RCAN1: variants seen among roughly 807,000 people sequenced by gnomAD.
RCAN1 encodes regulator of calcineurin 1.
In RCAN1, 11 loss-of-function variants were observed where a neutral mutation model predicts 22.9. The ratio of observed to expected loss-of-function variants is 0.48; its 90% CI spans 0.30 to 0.79. RCAN1 has a LOEUF of 0.79. Ranked by LOEUF, RCAN1 falls within the 30% of genes least tolerant of loss-of-function variation. RCAN1 has a pLI of 0.06. For missense variants in RCAN1, 291 were observed against 337.8 expected, an observed-to-expected ratio of 0.86 and a Z score of 1.09; for synonymous variants, 136 against 142.3, an observed-to-expected ratio of 0.96 and a Z score of 0.32.
rs1984984868 is a variant in RCAN1 at position 34,525,502 on chromosome 21, T to A, written c.253-1792A>T. 50 of 935,522 alleles carry A rather than the reference T, an allele frequency of 5.3e-5. No individual in the cohort carries two copies. In the East Asian group the frequency reaches 1.4e-3, roughly 25 times the overall value. 58.0% of individuals were successfully genotyped at this position (935,522 alleles called of 1,614,324 possible). ...GTGTCTTCGTACATTTGGAATTTTG[T>A]ATGACCTCATCAATAGGCACTGTGA... On this transcript the variant is annotated intron_variant, in intron 1 of 3. Transcript: ENST00000313806.
intron 1 of RCAN1, among the ~76,000 whole-genome samples, chr21:34,605,242 C>G (rs1988485833): frequency 6.6e-6 from 1 of 152,224 alleles, no homozygotes; most frequent in Non-Finnish European, 1.5e-5. Flanking sequence ...GCCTCTCAGC[C>G]TCCATCTTTC....
chr21:34,568,338 C>G (rs771136109), intron 1 of RCAN1, among the ~76,000 whole-genome samples: 3 of 152,224 alleles, frequency 2.0e-5, no homozygotes, highest in Non-Finnish European at 2.9e-5. Flanking sequence ...AAATCCAACA[C>G]AGGACCTTGC....
chr21:34,561,894 C>T (rs1986804061), intron 1 of RCAN1, among the ~76,000 whole-genome samples: 1 of 152,186 alleles, frequency 6.6e-6, no homozygotes, highest in South Asian at 2.1e-4. Context: ...TTTCTATAGG[C>T]ACACAGGATT....
At chr21:34,580,013 C>T (rs910487923) in intron 1 of RCAN1, among the ~76,000 whole-genome samples, 1 of 152,222 alleles carries the variant, frequency 6.6e-6, no homozygotes, top group South Asian at 2.1e-4. Flanking sequence ...CTGATTCTCC[C>T]ACTAACACCC....
At chr21:34,599,105 G>A (rs1432671331) in intron 1 of RCAN1, among the ~76,000 whole-genome samples, 1 of 152,106 alleles carries the variant, frequency 6.6e-6, no homozygotes, top group Non-Finnish European at 1.5e-5. Flanking sequence ...CTATTAAAAC[G>A]TAAAGTAACC....
In RCAN1 at chr21:34,600,472, C is replaced by T. The variant is rs189022333; in HGVS notation, c.252+14288G>A. 5.1e-4 allele frequency among the ~76,000 whole-genome samples: 77 copies of T among 151,258 alleles called. 1 individual carries two copies. In the Middle Eastern group the frequency reaches 0.014, roughly 27 times the overall value. On this transcript the variant is annotated intron_variant, in intron 1 of 3. Coordinates refer to ENST00000313806, the MANE Select transcript of RCAN1 (RefSeq NM_004414.7). ...TTTCCTCTAAAAGGCATTCTAGGAA[C>T]CAGAGAGAGAAGGGAGAAAGGAGGG...
chr21:34,572,615 G>A (rs554905345), intron 1 of RCAN1, among the ~76,000 whole-genome samples: 1 of 152,224 alleles, frequency 6.6e-6, no homozygotes, highest in African/African-American at 2.4e-5. Context: ...CATCTCTAAG[G>A]TTTCTTCCAG....
chr21:34,574,056 A>AT (rs1397079511), intron 1 of RCAN1, among the ~76,000 whole-genome samples: 1 of 152,214 alleles, frequency 6.6e-6, no homozygotes, highest in Non-Finnish European at 1.5e-5. Flanking sequence ...AAGAAGATGA[A>AT]TTTTCCAATG....
At chr21:34,535,215 T>C (rs1279031948) in intron 1 of RCAN1, among the ~76,000 whole-genome samples, 1 of 152,220 alleles carries the variant, frequency 6.6e-6, no homozygotes, top group Non-Finnish European at 1.5e-5. Flanking sequence ...GGCTTTTTCA[T>C]GATAAGCAAG....
chr21:34,567,689 C>T (rs992004085), intron 1 of RCAN1, among the ~76,000 whole-genome samples: 6 of 152,048 alleles, frequency 3.9e-5, no homozygotes, highest in Non-Finnish European at 8.8e-5. Flanking sequence ...AAATTCAGAA[C>T]TTCGGTCTAG....
At chr21:34,526,821 C>G in intron 1 of RCAN1, 1 of 1,541,830 alleles carries the variant, frequency 6.5e-7, no homozygotes, top group Non-Finnish European at 8.7e-7. Flanking sequence ...TTCCAAGAGG[C>G]TGTAGGTTCC....
Position 34,614,546 on chromosome 21 carries a change from A to G in RCAN1, c.252+214T>C, listed in dbSNP as rs896297966. 4.9e-5 allele frequency: 50 copies of G among 1,015,778 alleles called. No individual in the cohort carries two copies. Among genetic ancestry groups the G allele is most frequent in the Admixed American group, 1.1e-4 (2 of 18,810 alleles). The allele number at this position is 1,015,778 out of a possible 1,614,324, so 62.9% of individuals were successfully genotyped here. On this transcript the variant is annotated intron_variant, in intron 1 of 3. Transcript: ENST00000313806. The surrounding 1 kb of genome is among the most constrained non-coding windows in gnomAD (Gnocchi z 6.0). Reference sequence around the variant, plus strand: ...GGCGAGCCTGTGGGACTCTGCAGTGAGCTCCGCGCGCCCCGGGGGTGCTAG... The same window carrying G: ...GGCGAGCCTGTGGGACTCTGCAGTGGGCTCCGCGCGCCCCGGGGGTGCTAG...
At chr21:34,526,556 C>G in intron 1 of RCAN1, 1 of 1,168,264 alleles carries the variant, frequency 8.6e-7, no homozygotes, top group Non-Finnish European at 1.2e-6. Flanking sequence ...CTTTCAAAAC[C>G]CCCAAACCCA....
In RCAN1 at chr21:34,518,009, C is replaced by G. The variant is rs374486619; in HGVS notation, c.*75G>C. On this transcript the variant is annotated 3_prime_UTR_variant, in exon 4 of 4. Coordinates refer to ENST00000313806, the MANE Select transcript of RCAN1 (RefSeq NM_004414.7). The surrounding 1 kb of genome is among the most constrained non-coding windows in gnomAD (Gnocchi z 4.2). ...TCTCGGCTGCCACCTCCGAAGAAGT[C>G]GTGACCAGCCACCTCCACAGTAAAA... 8.3e-6 allele frequency: 13 copies of G among 1,564,562 alleles called. No homozygotes were observed. The East Asian group carries it at 1.3e-4, about 16-fold the overall frequency.
At chr21:34,594,259 C>T (rs2268267) in intron 1 of RCAN1, among the ~76,000 whole-genome samples, 46,660 of 151,964 alleles carry the variant, frequency 0.31, 7,696 homozygotes, top group East Asian at 0.44. Context: ...GAATGTTTCA[C>T]AAAAGAAGGG....
intron 1 of RCAN1, among the ~76,000 whole-genome samples, chr21:34,530,545 G>C (rs1208587224): frequency 6.6e-6 from 1 of 151,256 alleles, no homozygotes; most frequent in Non-Finnish European, 1.5e-5. Context: ...AACTTGCAAA[G>C]GCTCTCTTGT....
chr21:34,592,371 C>T (rs1246076240), intron 1 of RCAN1, among the ~76,000 whole-genome samples: 1 of 152,198 alleles, frequency 6.6e-6, no homozygotes, highest in Non-Finnish European at 1.5e-5. Flanking sequence ...TTGGCACTGT[C>T]TTCTGACTGA....
At chr21:34,536,934 T>C (rs1601150067) in intron 1 of RCAN1, among the ~76,000 whole-genome samples, 1 of 152,360 alleles carries the variant, frequency 6.6e-6, no homozygotes, top group East Asian at 1.9e-4. Context: ...TATGTGCTCT[T>C]ACCTGCTATT....
At position 34,614,522 on chromosome 21, in the gene RCAN1, G is replaced by A; in HGVS notation, c.252+238C>T. Reference sequence around the variant, plus strand: ...AGCCTGGGCGCACACGGGGGCCGGGGCGAGCCTGTGGGACTCTGCAGTGAG... The same window carrying A: ...AGCCTGGGCGCACACGGGGGCCGGGACGAGCCTGTGGGACTCTGCAGTGAG... On this transcript the variant is annotated intron_variant, in intron 1 of 3. Transcript: ENST00000313806. The surrounding 1 kb of genome is among the most constrained non-coding windows in gnomAD (Gnocchi z 6.0). 2 of 1,044,786 alleles carry A rather than the reference G, an allele frequency of 1.9e-6. No individual in the cohort carries two copies. The highest frequency in any genetic ancestry group is 1.7e-5 in the African/African-American group (1 of 59,004). The allele number at this position is 1,044,786 out of a possible 1,614,324, so 64.7% of individuals were successfully genotyped here. A position where few individuals can be genotyped will look rare whatever the true frequency, so the allele number is the denominator to read the frequency against.
Sources: allele counts gnomAD v4.1 joint callset (sites outside exome capture counted in the v4.1 genomes callset), GRCh38; gene constraint gnomAD v4.1.1; non-coding constraint Gnocchi (gnomAD v3.1); transcripts MANE v1.5; gene names NCBI Gene and HGNC (gene_info 2026-07-23, HGNC 2026-07-21).